The following FKBP6 variants were observed in gnomAD, a reference collection of about 807,000 sequenced individuals.
FKBP6 encodes FKBP prolyl isomerase family member 6 (inactive).
A neutral mutation model predicts 41.7 loss-of-function variants in FKBP6; 29 were observed. The ratio of observed to expected loss-of-function variants is 0.70; its 90% confidence interval spans 0.52 to 0.95. The LOEUF is 0.95. Ranked by LOEUF, FKBP6 falls within the 40% of genes least tolerant of loss-of-function variation. The pLI is 0.00. For missense variants in FKBP6, 338 were observed against 408.7 expected (o/e 0.83, Z 1.49); for synonymous variants, 130 against 165.1 (o/e 0.79, Z 1.63).
At chr7:73,340,224 G>A (rs1805130032) in intron 5 of FKBP6, among the ~76,000 whole-genome samples, 1 of 152,120 alleles carries the variant, frequency 6.6e-6, no homozygotes, top group Admixed American at 6.5e-5. Flanking sequence ...CGTTGCTAGA[G>A]CATAGAAATA....
intron 8 of FKBP6, among the ~76,000 whole-genome samples, chr7:73,356,895 C>T (rs1805647802): frequency 6.6e-6 from 1 of 152,186 alleles, no homozygotes; most frequent in South Asian, 2.1e-4. Flanking sequence ...ATTCTCCTGC[C>T]TCAGCCTCCC....
rs150883630 is a variant in FKBP6, at chr7:73,343,371, T to C, written c.*2+472T>C. ...TTTTTTCATGTTTTATGTGAAACTCTCCTTGCAGTTGCTTGGAACATGAGA... is the reference window on the plus strand; with the variant it reads ...TTTTTTCATGTTTTATGTGAAACTCCCCTTGCAGTTGCTTGGAACATGAGA... On this transcript the variant is annotated intron_variant, in intron 8 of 8. Transcript: ENST00000252037. Among the ~76,000 whole-genome samples the C allele has an allele frequency of 7.0e-3, 1,067 of 152,280 alleles. 46 individuals carry two copies. The highest frequency in any genetic ancestry group is 0.064 in the Admixed American group (981 of 15,282).
Position 73,344,352 on chromosome 7 carries a change from A to G in FKBP6, c.*2+1453A>G, listed in dbSNP as rs569804999. Reference sequence around the variant, plus strand: ...GTAGGACTGGAGGCTGCTGATCTTCAGATGCTTTCCCCCAGATTTCCAACT... The same window carrying G: ...GTAGGACTGGAGGCTGCTGATCTTCGGATGCTTTCCCCCAGATTTCCAACT... On this transcript the variant is annotated intron_variant, in intron 8 of 8. Transcript: ENST00000252037. 7.2e-5 allele frequency among the ~76,000 whole-genome samples: 11 copies of G among 152,316 alleles called. No homozygotes were observed. The East Asian group carries it at 7.7e-4, about 11-fold the overall frequency.
At chr7:73,333,888 A>G (rs1478215390) in intron 5 of FKBP6, among the ~76,000 whole-genome samples, 7 of 152,208 alleles carry the variant, frequency 4.6e-5, no homozygotes, top group Non-Finnish European at 1.0e-4. Context: ...CCTGGCGAAC[A>G]TGGTGAAACC....
chr7:73,332,712 C>G (rs1034742902), intron 5 of FKBP6, among the ~76,000 whole-genome samples: 1 of 152,156 alleles, frequency 6.6e-6, no homozygotes, highest in South Asian at 2.1e-4. Context: ...TGTACTTGAA[C>G]TAGAAGTGTT....
chr7:73,348,298 T>TC (rs1294184266), intron 8 of FKBP6, among the ~76,000 whole-genome samples: 1 of 151,856 alleles, frequency 6.6e-6, no homozygotes, highest in African/African-American at 2.4e-5. Context: ...GCCACACCTT[T>TC]CCCCCCCTTC....
At chr7:73,356,809 T>G (rs1805644790) in intron 8 of FKBP6, among the ~76,000 whole-genome samples, 1 of 152,218 alleles carries the variant, frequency 6.6e-6, no homozygotes, top group African/African-American at 2.4e-5. Flanking sequence ...AGACAGAGTT[T>G]CACTCTTGTC....
At chr7:73,356,227 T>G (rs1554551920) in intron 8 of FKBP6, among the ~76,000 whole-genome samples, 2 of 152,192 alleles carry the variant, frequency 1.3e-5, no homozygotes, top group African/African-American at 4.8e-5. Flanking sequence ...TGGATAGCAT[T>G]CCATCCTGTC....
intron 8 of FKBP6, among the ~76,000 whole-genome samples, chr7:73,350,178 T>C (rs1164506873): frequency 2.0e-5 from 3 of 152,224 alleles, no homozygotes; most frequent in African/African-American, 7.2e-5. Context: ...TAGAATCCCA[T>C]GTAGCCATGA....
At chr7:73,352,390 A>G (rs781102006) in intron 8 of FKBP6, among the ~76,000 whole-genome samples, 83 of 152,228 alleles carry the variant, frequency 5.5e-4, no homozygotes, top group Non-Finnish European at 1.1e-3. Context: ...CTCCAAGCAT[A>G]CATAATCCCA....
intron 8 of FKBP6, among the ~76,000 whole-genome samples, chr7:73,343,682 A>G (rs1554549937): frequency 6.6e-6 from 1 of 152,176 alleles, no homozygotes; most frequent in East Asian, 1.9e-4. Context: ...GGAGTTCCCA[A>G]GCACATGAGA....
At position 73,340,783 on chromosome 7, in the gene FKBP6, C is replaced by G; in HGVS notation, c.734C>G (p.Ala245Gly). The stretch of plus-strand genomic sequence containing the variant: ...ATAGCCCTGTGCTATGGAGAGCAGG[C>G]TTTGATCATTGACCAAAAGAATGCC... ...PTIALCYGEQALIIDQKNAKA... is the reference protein window; with the variant it reads ...PTIALCYGEQGLIIDQKNAKA... Residue 245 changes from alanine (A) to glycine (G), a missense_variant, in exon 6 of 9, where the codon GCT becomes GGT. By Grantham distance (60) the Ala-to-Gly change is moderately conservative (BLOSUM62 0). This residue lies in a region of FKBP6 where 239 missense variants were observed against 250.1 expected (regional missense o/e 0.96). Coordinates refer to ENST00000252037, the MANE Select transcript of FKBP6 (RefSeq NM_003602.5). The G allele has an allele frequency of 1.2e-6, 2 of 1,614,068 alleles. No homozygotes were observed. Among genetic ancestry groups the G allele is most frequent in the Non-Finnish European group, 8.5e-7 (1 of 1,180,010 alleles).
At chr7:73,332,486 C>G (rs1394531838) in intron 5 of FKBP6, among the ~76,000 whole-genome samples, 1 of 150,186 alleles carries the variant, frequency 6.7e-6, no homozygotes, top group Non-Finnish European at 1.5e-5. Flanking sequence ...CAAAAAAACT[C>G]CCATCTCAAA....
At chr7:73,351,510 C>T (rs1554551129) in intron 8 of FKBP6, among the ~76,000 whole-genome samples, 1 of 152,200 alleles carries the variant, frequency 6.6e-6, no homozygotes, top group African/African-American at 2.4e-5. Flanking sequence ...TAATCTTCCA[C>T]GTACCTGTGA....
At chr7:73,353,361 C>G (rs1184277748) in intron 8 of FKBP6, among the ~76,000 whole-genome samples, 3 of 152,232 alleles carry the variant, frequency 2.0e-5, no homozygotes, top group African/African-American at 7.2e-5. Flanking sequence ...CTCTCATACT[C>G]TGTTACAGAT....
chr7:73,357,660 C>G (rs1285577681), intron 8 of FKBP6, among the ~76,000 whole-genome samples: 1 of 151,996 alleles, frequency 6.6e-6, no homozygotes, highest in Non-Finnish European at 1.5e-5. Context: ...TTCCCTCTCT[C>G]AGGTGCTGGC....
chr7:73,336,609 G>A (rs1805009522), intron 5 of FKBP6: 1 of 307,106 alleles, frequency 3.3e-6, no homozygotes, highest in Non-Finnish European at 6.7e-6. Flanking sequence ...AGCTCTGGGA[G>A]GAATATTTAC....
Position 73,342,946 on chromosome 7 carries a change from G to A in FKBP6, c.*2+47G>A, listed in dbSNP as rs374052201. 1,795 of 1,269,098 alleles carry A rather than the reference G, an allele frequency of 1.4e-3. 35 individuals carry two copies. In the South Asian group the frequency reaches 0.02, roughly 14 times the overall value. 78.6% of individuals were successfully genotyped at this position (1,269,098 alleles called of 1,614,324 possible). A position where few individuals can be genotyped will look rare whatever the true frequency, so the allele number is the denominator to read the frequency against. ...CACACAGGCTTCCGGATGGAGAAGCGTGCTGCTCTCCTCCACCCCCAAGTG... is the reference window on the plus strand; with the variant it reads ...CACACAGGCTTCCGGATGGAGAAGCATGCTGCTCTCCTCCACCCCCAAGTG... On this transcript the variant is annotated intron_variant, in intron 8 of 8. Coordinates refer to ENST00000252037, the MANE Select transcript of FKBP6 (RefSeq NM_003602.5).
chr7:73,332,693 C>G (rs1563312108), intron 5 of FKBP6, among the ~76,000 whole-genome samples: 1 of 152,112 alleles, frequency 6.6e-6, no homozygotes, highest in Non-Finnish European at 1.5e-5. Context: ...AAACATTTGC[C>G]TCTGTATATG....
Sources: allele counts gnomAD v4.1 joint callset (sites outside exome capture counted in the v4.1 genomes callset), GRCh38; gene constraint gnomAD v4.1.1; regional missense constraint gnomAD v4.1.1; transcripts MANE v1.5; gene names NCBI Gene and HGNC (gene_info 2026-07-23, HGNC 2026-07-21).